IDE: variants seen among roughly 807,000 people sequenced by gnomAD.
IDE encodes insulin-degrading enzyme.
Under a neutral mutation model 133.2 loss-of-function variants are expected in IDE, and 58 were observed. That is an observed-to-expected ratio of 0.44 (90% confidence interval 0.35 to 0.54). The LOEUF (loss-of-function observed/expected upper bound fraction) is 0.54, where lower values mean the gene tolerates loss of function less well. Ranked by LOEUF, IDE falls within the 20% of genes least tolerant of loss-of-function variation. The pLI, the probability that IDE is intolerant of heterozygous loss-of-function variation, is 0.00. For missense variants in IDE, 981 were observed against 1,234.0 expected, an observed-to-expected ratio of 0.79 and a Z score of 3.07; for synonymous variants, 396 against 421.3, an observed-to-expected ratio of 0.94 and a Z score of 0.73.
chr10:92,501,638 C>G (rs1179036166), intron 11 of IDE, among the ~76,000 whole-genome samples: 2 of 148,928 alleles, frequency 1.3e-5, no homozygotes. Flanking sequence ...CCACTGCACT[C>G]CAGCCTGGTG....
chr10:92,546,381 A>T (rs966400787), intron 1 of IDE, among the ~76,000 whole-genome samples: 9 of 152,234 alleles, frequency 5.9e-5, no homozygotes, highest in African/African-American at 1.9e-4. Context: ...GTTCTTAAAA[A>T]TAGAGCTTTT....
chr10:92,467,562 G>T (rs572249489), intron 19 of IDE, among the ~76,000 whole-genome samples: 2 of 152,358 alleles, frequency 1.3e-5, no homozygotes, highest in South Asian at 4.1e-4. Context: ...AGGCAAAAGA[G>T]ATTAAGATCC....
intron 2 of IDE, 73 bp downstream of exon 2, chr10:92,537,293 G>T: frequency 8.3e-7 from 1 of 1,206,082 alleles, no homozygotes; most frequent in Non-Finnish European, 1.2e-6. Flanking sequence ...AAACACGTAT[G>T]GAAAGTTCTA....
intron 5 of IDE, among the ~76,000 whole-genome samples, chr10:92,511,883 G>A (rs1564636936): frequency 6.6e-6 from 1 of 152,128 alleles, no homozygotes; most frequent in Non-Finnish European, 1.5e-5. Context: ...AAAGGTTTGT[G>A]GGCCTGCAGT....
chr10:92,473,078 G>C (rs572472945), intron 17 of IDE, among the ~76,000 whole-genome samples: 36 of 151,552 alleles, frequency 2.4e-4, no homozygotes, highest in Non-Finnish European at 3.5e-4. Flanking sequence ...GAGTAGCTGG[G>C]ACTACAGGCA....
intron 4 of IDE, among the ~76,000 whole-genome samples, chr10:92,523,608 T>C (rs893167518): frequency 2.0e-5 from 3 of 148,574 alleles, no homozygotes; most frequent in African/African-American, 7.5e-5. Flanking sequence ...GGCTGAGACA[T>C]GATAACCACT....
chr10:92,507,291 G>C (rs1274534155), intron 9 of IDE, among the ~76,000 whole-genome samples: 2 of 152,108 alleles, frequency 1.3e-5, no homozygotes, highest in African/African-American at 2.4e-5. Context: ...TCCAGCTCAA[G>C]AAACTGCTGA....
At chr10:92,459,968 T>G (rs1266261187) in intron 22 of IDE, among the ~76,000 whole-genome samples, 1 of 151,982 alleles carries the variant, frequency 6.6e-6, no homozygotes, top group Non-Finnish European at 1.5e-5. Context: ...TAGCTGGGAT[T>G]ACAGGCACCC....
chr10:92,568,181 A>G (rs1485595103), intron 1 of IDE, among the ~76,000 whole-genome samples: 1 of 152,158 alleles, frequency 6.6e-6, no homozygotes, highest in Non-Finnish European at 1.5e-5. Flanking sequence ...GTTGAGTAGG[A>G]AGTTTATTAC....
intron 4 of IDE, 78 bp from the exon 5 acceptor site, chr10:92,515,120 T>A: frequency 8.9e-7 from 1 of 1,118,004 alleles, no homozygotes; most frequent in Non-Finnish European, 1.3e-6. Context: ...TCACTGATAT[T>A]GCTTAAGATG....
intron 2 of IDE, among the ~76,000 whole-genome samples, chr10:92,535,752 TC>T (rs1429931727): frequency 6.6e-6 from 1 of 152,080 alleles, no homozygotes; most frequent in African/African-American, 2.4e-5. Context: ...AAAAAGCAAC[TC>T]GGCCAGGCAC....
In IDE at chr10:92,551,493, G is replaced by A. The variant is rs189508420; in HGVS notation, c.99-13943C>T. Among the ~76,000 whole-genome samples the A allele has an allele frequency of 4.8e-3, 726 of 151,268 alleles. 2 individuals are homozygous for A. Among genetic ancestry groups the A allele is most frequent in the Non-Finnish European group, 8.0e-3 (544 of 67,792 alleles). ...TGAGGCAGGAGAATTGCTTGAACCC[G>A]GGAGGCAGAGGTTGCAGTTAGGCAA... On this transcript the variant is annotated intron_variant, in intron 1 of 24. Coordinates refer to ENST00000265986, the MANE Select transcript of IDE (RefSeq NM_004969.4).
chr10:92,460,182 C>T (rs549244778), intron 22 of IDE, among the ~76,000 whole-genome samples: 3 of 152,072 alleles, frequency 2.0e-5, no homozygotes, highest in East Asian at 3.9e-4. Context: ...AATGGTGGTG[C>T]CTCCCTTTCT....
At chr10:92,523,840 C>T (rs1431163974) in intron 4 of IDE, among the ~76,000 whole-genome samples, 1 of 152,058 alleles carries the variant, frequency 6.6e-6, no homozygotes, top group Non-Finnish European at 1.5e-5. Context: ...CTTTGACCTC[C>T]TTCTTTTATT....
At chr10:92,495,882 G>T (rs1564623056) in intron 11 of IDE, among the ~76,000 whole-genome samples, 3 of 143,756 alleles carry the variant, frequency 2.1e-5, no homozygotes, top group African/African-American at 5.1e-5. Context: ...TTTTTTAAGT[G>T]TTTTTTTTTT....
chr10:92,546,761 A>G (rs1242706639), intron 1 of IDE, among the ~76,000 whole-genome samples: 3 of 152,222 alleles, frequency 2.0e-5, no homozygotes, highest in Admixed American at 6.6e-5. Flanking sequence ...AGCTTTTAGT[A>G]ATTACTTTAG....
chr10:92,479,170 A>AT (rs1846448831), intron 15 of IDE, 107 bp downstream of exon 15: 6 of 683,152 alleles, frequency 8.8e-6, no homozygotes, highest in East Asian at 5.9e-5. Context: ...AGCCATAAAG[A>AT]TTAAAAAAAA....
chr10:92,468,841 A>T (rs771523149), intron 19 of IDE, 38 bp downstream of exon 19: 1 of 1,103,106 alleles, frequency 9.1e-7, no homozygotes, highest in South Asian at 1.3e-5. Flanking sequence ...TGTTATGTCA[A>T]AATAGTCCAT....
At chr10:92,469,843 C>T (rs554629513) in intron 18 of IDE, among the ~76,000 whole-genome samples, 6 of 152,154 alleles carry the variant, frequency 3.9e-5, no homozygotes, top group Admixed American at 3.9e-4. Context: ...TCTAATTTTA[C>T]AGAAAAGAAA....
Sources: allele counts gnomAD v4.1 joint callset (sites outside exome capture counted in the v4.1 genomes callset), GRCh38; gene constraint gnomAD v4.1.1; transcripts MANE v1.5; gene names NCBI Gene and HGNC (gene_info 2026-07-23, HGNC 2026-07-21).